The following SEMA7A variants were observed in gnomAD, a reference collection of about 807,000 sequenced individuals.
The protein encoded by SEMA7A is semaphorin 7A (JohnMiltonHagen blood group).
A neutral mutation model predicts 67.5 loss-of-function variants in SEMA7A; 21 were observed. The observed-to-expected ratio is 0.31, with a 90% CI of 0.22 to 0.45. The LOEUF is 0.45. Among genes scored for constraint, SEMA7A ranks in the 20% least tolerant of loss-of-function variants. The probability of loss-of-function intolerance (pLI) is 1.00; values close to 1 mark genes in which losing one functional copy is unlikely to be tolerated. For synonymous variants in SEMA7A, 364 were observed against 368.5 expected (o/e 0.99, Z 0.14); for missense variants, 774 against 908.6 (o/e 0.85, Z 1.90).
Position 74,418,831 on chromosome 15 carries a change from G to A in SEMA7A, c.300C>T (p.Phe100=). 2 of 1,613,890 alleles carry A rather than the reference G, an allele frequency of 1.2e-6. No individual in the cohort carries two copies. The highest frequency in any genetic ancestry group is 8.5e-7 in the Non-Finnish European group (1 of 1,179,982). The part of the protein sequence containing the change: ...GGRGKVYLFD[F]PEGKNASVRT... ...GCACAGATGCGTTCTTGCCCTCGGG[G>A]AAGTCAAAGAGGTAGACCTTGCCAC... is the stretch of plus-strand genomic sequence containing the variant. Residue 100 remains phenylalanine (F), a synonymous_variant, in exon 2 of 14, where the codon TTC becomes TTT. Transcript: ENST00000261918.
chr15:74,410,987 TG>T lies in SEMA7A; in HGVS notation c.1640-3del. 10 of 1,609,646 alleles carry T rather than the reference TG, an allele frequency of 6.2e-6. No individual in the cohort carries two copies. Among genetic ancestry groups the T allele is most frequent in the Non-Finnish European group, 8.5e-6 (10 of 1,177,494 alleles). ...AAACCTTCTGCAGTGGGGCCTTGTC[TG>T]GGGAGGCAGTGGGGAAGCAGCCGTG... On this transcript the variant is annotated splice_region_variant and splice_polypyrimidine_tract_variant and intron_variant, in intron 13 of 13. Transcript: ENST00000261918. The surrounding 1 kb of genome is among the most constrained non-coding windows in gnomAD (Gnocchi z 7.5).
rs971313088 is a variant in SEMA7A at position 74,423,224 on chromosome 15, G to A, written c.179-4272C>T. ...CTCCCACAGTTGTGCCCCCACCCCTGCACTGCCAGGCCTACCTCACACCCT... is the reference window on the plus strand; with the variant it reads ...CTCCCACAGTTGTGCCCCCACCCCTACACTGCCAGGCCTACCTCACACCCT... On this transcript the variant is annotated intron_variant, in intron 1 of 13. Coordinates refer to ENST00000261918, the MANE Select transcript of SEMA7A (RefSeq NM_003612.5). The surrounding 1 kb of genome is among the most constrained non-coding windows in gnomAD (Gnocchi z 4.1). Among the ~76,000 whole-genome samples, 1 of 152,178 alleles carries A rather than the reference G, an allele frequency of 6.6e-6. No homozygotes were observed. The highest frequency in any genetic ancestry group is 1.5e-5 in the Non-Finnish European group (1 of 68,018).
At chr15:74,416,471 A>C (rs918910172) in intron 7 of SEMA7A, 104 bp downstream of exon 7, 13 of 1,241,128 alleles carry the variant, frequency 1.0e-5, no homozygotes, top group African/African-American at 1.5e-5. Flanking sequence ...ACCCACTCAT[A>C]CATCCACACA....
chr15:74,429,520 G>A (rs184322847), intron 1 of SEMA7A, among the ~76,000 whole-genome samples: 10 of 152,316 alleles, frequency 6.6e-5, no homozygotes, highest in East Asian at 3.9e-4. Context: ...ACTGTCCTGC[G>A]GTCAGGAGTC....
In SEMA7A at chr15:74,414,816, C is replaced by A. The variant is rs1451754058; in HGVS notation, c.1095+22G>T. 1.2e-6 allele frequency: 2 copies of A among 1,613,890 alleles called. No individual in the cohort carries two copies. Among genetic ancestry groups the A allele is most frequent in the South Asian group, 2.2e-5 (2 of 91,082 alleles). Reference sequence around the variant, plus strand: ...AGGCAGAAGGAGGGCTGGGCCTGGGCCACGGCTGGTGTCACGCTCACCTTG... The same window carrying A: ...AGGCAGAAGGAGGGCTGGGCCTGGGACACGGCTGGTGTCACGCTCACCTTG... On this transcript the variant is annotated intron_variant, in intron 9 of 13. Transcript: ENST00000261918. The surrounding 1 kb of genome is among the most constrained non-coding windows in gnomAD (Gnocchi z 4.1).
intron 8 of SEMA7A, 138 bp from the exon 9 acceptor site, chr15:74,415,084 G>C: frequency 1.5e-6 from 1 of 689,522 alleles, no homozygotes; most frequent in Non-Finnish European, 2.6e-6. Flanking sequence ...GGAGGAAGGA[G>C]AGGAGTTCAG....
chr15:74,411,865 C>G lies in SEMA7A; in HGVS notation c.1422+20G>C, dbSNP rs200913632. Reference sequence around the variant, plus strand: ...TGCAGTCACTGCATAGCCCATGGGACGCAGTGGGGGAAGGCTCACCCGCTC... The same window carrying G: ...TGCAGTCACTGCATAGCCCATGGGAGGCAGTGGGGGAAGGCTCACCCGCTC... On this transcript the variant is annotated intron_variant, in intron 11 of 13. Transcript: ENST00000261918. The surrounding 1 kb of genome is among the most constrained non-coding windows in gnomAD (Gnocchi z 4.4). 2 of 1,612,896 alleles carry G rather than the reference C, an allele frequency of 1.2e-6. No individual in the cohort carries two copies. Among genetic ancestry groups the G allele is most frequent in the Non-Finnish European group, 1.7e-6 (2 of 1,179,742 alleles).
intron 3 of SEMA7A, 28 bp downstream of exon 3, chr15:74,418,240 A>G: frequency 8.7e-6 from 14 of 1,609,282 alleles, no homozygotes; most frequent in Non-Finnish European, 1.1e-5. Context: ...AGTGGCTCAG[A>G]CCCCTCCATA....
rs1339403738 is a variant in SEMA7A, at chr15:74,414,288, T to A, written c.1294+259A>T. Among the ~76,000 whole-genome samples the A allele has an allele frequency of 6.6e-6, 1 of 152,122 alleles. No homozygotes were observed. Among genetic ancestry groups the A allele is most frequent in the Non-Finnish European group, 1.5e-5 (1 of 68,020 alleles). On this transcript the variant is annotated intron_variant, in intron 10 of 13. Coordinates refer to ENST00000261918, the MANE Select transcript of SEMA7A (RefSeq NM_003612.5). The surrounding 1 kb of genome is among the most constrained non-coding windows in gnomAD (Gnocchi z 4.1). ...GGACCAAAGGTGCACCTGGCTTTGC[T>A]CAGACTCTCCAGATTTCCGCCTCCA...
At chr15:74,430,877 C>A (rs1010202345) in intron 1 of SEMA7A, among the ~76,000 whole-genome samples, 2 of 152,176 alleles carry the variant, frequency 1.3e-5, no homozygotes, top group Non-Finnish European at 2.9e-5. Context: ...CAGAATGGCT[C>A]CCCAGCAGCC....
chr15:74,411,000 G>A lies in SEMA7A; in HGVS notation c.1640-15C>T. 6.2e-7 allele frequency: 1 copy of A among 1,606,546 alleles called. No individual in the cohort carries two copies. Among genetic ancestry groups the A allele is most frequent in the Middle Eastern group, 1.7e-4 (1 of 6,020 alleles). On this transcript the variant is annotated splice_polypyrimidine_tract_variant and intron_variant, in intron 13 of 13. Transcript: ENST00000261918. This position sits in a 1 kb window ranked among gnomAD's most constrained non-coding sequence, Gnocchi z 7.5. ...TGGGGCCTTGTCTGGGGAGGCAGTGGGGAAGCAGCCGTGAGGAGGGACAAA... is the reference window on the plus strand; with the variant it reads ...TGGGGCCTTGTCTGGGGAGGCAGTGAGGAAGCAGCCGTGAGGAGGGACAAA...
At chr15:74,427,579 C>T (rs796255269) in intron 1 of SEMA7A, among the ~76,000 whole-genome samples, 12 of 152,316 alleles carry the variant, frequency 7.9e-5, no homozygotes, top group African/African-American at 2.6e-4. Context: ...GATCTGCCTA[C>T]CTTGGCCTCC....
chr15:74,411,549 A>T lies in SEMA7A; in HGVS notation c.1577+7T>A. ...CTCCCAGGGACGAGGGATCCCGGCC[A>T]ACGTACCGTTCGGAGCTGTAGATGG... On this transcript the variant is annotated splice_region_variant and intron_variant, in intron 12 of 13. Coordinates refer to ENST00000261918, the MANE Select transcript of SEMA7A (RefSeq NM_003612.5). This position sits in a 1 kb window ranked among gnomAD's most constrained non-coding sequence, Gnocchi z 4.4. The T allele has an allele frequency of 6.4e-7, 1 of 1,551,030 alleles. No homozygotes were observed. The highest frequency in any genetic ancestry group is 8.7e-7 in the Non-Finnish European group (1 of 1,146,826).
At chr15:74,413,758 C>T (rs562518930) in intron 10 of SEMA7A, among the ~76,000 whole-genome samples, 4 of 152,240 alleles carry the variant, frequency 2.6e-5, no homozygotes, top group Non-Finnish European at 4.4e-5. Context: ...TCACCAAAGC[C>T]GAGACAGTTC....
intron 10 of SEMA7A, among the ~76,000 whole-genome samples, chr15:74,412,557 AT>A (rs951224144): frequency 6.5e-4 from 98 of 150,204 alleles, no homozygotes; most frequent in South Asian, 1.9e-3. Context: ...CTTTAAATAC[AT>A]TTTTTTTTTA....
chr15:74,421,385 G>A (rs990992260), intron 1 of SEMA7A, among the ~76,000 whole-genome samples: 5 of 152,162 alleles, frequency 3.3e-5, no homozygotes, highest in Admixed American at 6.5e-5. Context: ...ACTAGGGCCC[G>A]GACAATCCCA....
intron 1 of SEMA7A, among the ~76,000 whole-genome samples, chr15:74,432,908 T>TAA (rs1745890533): frequency 2.6e-5 from 4 of 152,052 alleles, no homozygotes. Context: ...GTACAGGGTC[T>TAA]AAACTGAGGT....
chr15:74,419,024 T>C (rs2060977451), intron 1 of SEMA7A, 72 bp from the exon 2 acceptor site: 2 of 1,529,582 alleles, frequency 1.3e-6, no homozygotes, highest in Non-Finnish European at 1.8e-6. Context: ...CCCCTCCACA[T>C]GGCACACTGG....
Position 74,418,883 on chromosome 15 carries a change from C to T in SEMA7A, c.248G>A (p.Gly83Asp). Reference protein sequence around the residue: ...EPHTVLFHEPGSSSVWVGGRG... With the variant: ...EPHTVLFHEPDSSSVWVGGRG... ...TCCTCCCACCCACACAGAGGAGCTG[C>T]CTGGCTCGTGGAAAAGCACCGTGTG... is the stretch of plus-strand genomic sequence containing the variant. Residue 83 changes from glycine (G) to aspartate (D), a missense_variant, in exon 2 of 14, where the codon GGC becomes GAC. By Grantham distance (94) the Gly-to-Asp change is moderately conservative. Transcript: ENST00000261918. 1 of 1,613,870 alleles carries T rather than the reference C, an allele frequency of 6.2e-7. No homozygotes were observed. The highest frequency in any genetic ancestry group is 1.3e-5 in the African/African-American group (1 of 75,064).
Sources: allele counts gnomAD v4.1 joint callset (sites outside exome capture counted in the v4.1 genomes callset), GRCh38; gene constraint gnomAD v4.1.1; non-coding constraint Gnocchi (gnomAD v3.1); transcripts MANE v1.5; gene names NCBI Gene and HGNC (gene_info 2026-07-23, HGNC 2026-07-21).